Variants in NHLRC2 observed in about 807,000 individuals in gnomAD.
NHLRC2 encodes the protein NHL repeat containing 2, also known as NHL repeat-containing protein 2.
Under a neutral mutation model 68.1 loss-of-function variants are expected in NHLRC2, and 33 were observed. That is an observed-to-expected ratio of 0.48 (90% CI 0.37 to 0.65). The LOEUF (loss-of-function observed/expected upper bound fraction) is 0.65, where lower values mean the gene tolerates loss of function less well. Among genes scored for constraint, NHLRC2 ranks in the 30% least tolerant of loss-of-function variants. The probability of loss-of-function intolerance (pLI) is 0.00; values close to 1 mark genes in which losing one functional copy is unlikely to be tolerated. For missense variants in NHLRC2, 761 were observed against 853.8 expected, an observed-to-expected ratio of 0.89 and a Z score of 1.35; for synonymous variants, 311 against 309.6, an observed-to-expected ratio of 1.00 and a Z score of -0.05.
intron 1 of NHLRC2, 120 bp from the exon 2 acceptor site, chr10:113,858,408 A>G (rs1845781742): frequency 1.4e-5 from 9 of 639,902 alleles, no homozygotes; most frequent in Non-Finnish European, 2.2e-5. Flanking sequence ...ATATGGTGCT[A>G]CTCTCTCAAA....
chr10:113,874,241 C>T lies in NHLRC2; in HGVS notation c.332-2280C>T, dbSNP rs116507478. ...GCTAAATGCCTTACACAGATTATCT[C>T]TTTTAATCCACCTGACTTATAAGGC... On this transcript the variant is annotated intron_variant, in intron 2 of 10. Coordinates refer to ENST00000369301, the MANE Select transcript of NHLRC2 (RefSeq NM_198514.4). Among the ~76,000 whole-genome samples, 4 of 152,148 alleles carry T rather than the reference C, an allele frequency of 2.6e-5. No individual in the cohort carries two copies. In the South Asian group the frequency reaches 8.3e-4, roughly 32 times the overall value.
intron 2 of NHLRC2, among the ~76,000 whole-genome samples, chr10:113,870,058 A>G (rs1033886801): frequency 6.6e-6 from 1 of 152,172 alleles, no homozygotes; most frequent in Non-Finnish European, 1.5e-5. Flanking sequence ...TCTGGGAACT[A>G]GATGTGCTCA....
intron 2 of NHLRC2, among the ~76,000 whole-genome samples, chr10:113,868,855 A>T (rs972126584): frequency 2.0e-5 from 3 of 152,230 alleles, no homozygotes; most frequent in Non-Finnish European, 4.4e-5. Flanking sequence ...GTGAGAACAG[A>T]TGAGAACATT....
Position 113,854,874 on chromosome 10 carries a change from TGGC to T in NHLRC2, c.7_9del (p.Ala3?). On this transcript the variant is annotated start_lost and inframe_deletion, in exon 1 of 11. Coordinates refer to ENST00000369301, the MANE Select transcript of NHLRC2 (RefSeq NM_198514.4). ...CCGCATCGGGAGCCCGGCGGAAACA[TGGC>T]GGCGCCCGGAGGCCGGGGCCGCAGC... 6.5e-7 allele frequency: 1 copy of T among 1,540,264 alleles called. No individual in the cohort carries two copies. The highest frequency in any genetic ancestry group is 2.5e-5 in the East Asian group (1 of 40,740).
chr10:113,879,076 T>G (rs1049067118), intron 3 of NHLRC2, among the ~76,000 whole-genome samples: 3 of 152,176 alleles, frequency 2.0e-5, no homozygotes, highest in Non-Finnish European at 4.4e-5. Context: ...CGCAGGACTT[T>G]CTGACAAAGT....
Position 113,904,933 on chromosome 10 carries a change from T to A in NHLRC2, c.1821T>A (p.Thr607=). The A allele has an allele frequency of 2.5e-6, 4 of 1,603,986 alleles. No homozygotes were observed. Among genetic ancestry groups the A allele is most frequent in the Non-Finnish European group, 3.4e-6 (4 of 1,176,228 alleles). The change falls in exon 10 of 11, where the codon ACT becomes ACA. Residue 607 remains threonine, a synonymous_variant. Coordinates refer to ENST00000369301, the MANE Select transcript of NHLRC2 (RefSeq NM_198514.4). ...CAAGCATTAGGCTTTCCCCCGTGAC[T>A]GCGTGTGCTGGCCAGACTCTTCAGT... ...SAPSIRLSPV[T]ACAGQTLQFK...
intron 5 of NHLRC2, among the ~76,000 whole-genome samples, chr10:113,893,776 A>G (rs182818550): frequency 9.2e-5 from 14 of 152,310 alleles, no homozygotes; most frequent in Admixed American, 8.5e-4. Flanking sequence ...CTAGATAACA[A>G]AGTTAAATTT....
At chr10:113,899,461 C>T (rs1430430977) in intron 6 of NHLRC2, among the ~76,000 whole-genome samples, 1 of 152,140 alleles carries the variant, frequency 6.6e-6, no homozygotes, top group African/African-American at 2.4e-5. Flanking sequence ...TGTTTTAAGA[C>T]ATTTAATCGT....
chr10:113,908,775 T>C lies in NHLRC2; in HGVS notation c.*239T>C, dbSNP rs1012979567. 8 of 520,858 alleles carry C rather than the reference T, an allele frequency of 1.5e-5. No individual in the cohort carries two copies. Among genetic ancestry groups the C allele is most frequent in the African/African-American group, 1.1e-4 (6 of 52,528 alleles). The allele number at this position is 520,858 out of a possible 1,614,324, so 32.3% of individuals were successfully genotyped here. Reference sequence around the variant, plus strand: ...ATTGATCATCATTGGTACCATGATATTGTAATCTATGCTGCTATTTGGCAC... The same window carrying C: ...ATTGATCATCATTGGTACCATGATACTGTAATCTATGCTGCTATTTGGCAC... On this transcript the variant is annotated 3_prime_UTR_variant, in exon 11 of 11. Coordinates refer to ENST00000369301, the MANE Select transcript of NHLRC2 (RefSeq NM_198514.4).
intron 5 of NHLRC2, among the ~76,000 whole-genome samples, chr10:113,895,505 T>C (rs1290864864): frequency 6.6e-6 from 1 of 152,112 alleles, no homozygotes; most frequent in Non-Finnish European, 1.5e-5. Context: ...GGGAAGAAGC[T>C]TGAGCAGAGA....
At chr10:113,860,163 G>T (rs563574709) in intron 2 of NHLRC2, among the ~76,000 whole-genome samples, 1 of 152,234 alleles carries the variant, frequency 6.6e-6, no homozygotes, top group South Asian at 2.1e-4. Flanking sequence ...GTTTGTTTTT[G>T]ATTTGTTTTT....
chr10:113,898,332 C>A, intron 6 of NHLRC2, 123 bp downstream of exon 6: 1 of 560,530 alleles, frequency 1.8e-6, no homozygotes, highest in Non-Finnish European at 3.3e-6. Flanking sequence ...CCATAGCACA[C>A]AACGCAGATT....
At chr10:113,893,370 G>A (rs1202591906) in intron 5 of NHLRC2, among the ~76,000 whole-genome samples, 3 of 152,160 alleles carry the variant, frequency 2.0e-5, no homozygotes, top group Non-Finnish European at 4.4e-5. Flanking sequence ...TAATGAAGTC[G>A]TTTTCCAAGT....
At chr10:113,889,283 G>A (rs1227496732) in intron 5 of NHLRC2, among the ~76,000 whole-genome samples, 8 of 151,878 alleles carry the variant, frequency 5.3e-5, no homozygotes, top group Admixed American at 5.3e-4. Context: ...ACCTTTAATG[G>A]TTGAAATCCA....
Position 113,893,639 on chromosome 10 carries a change from G to A in NHLRC2, c.1040-4471G>A, listed in dbSNP as rs76813631. ...GCTTCTCTACTTTTTCTCTTTCCTCGGGCATCTGAAGGAAATAAGTACACA... is the reference window on the plus strand; with the variant it reads ...GCTTCTCTACTTTTTCTCTTTCCTCAGGCATCTGAAGGAAATAAGTACACA... On this transcript the variant is annotated intron_variant, in intron 5 of 10. Coordinates refer to ENST00000369301, the MANE Select transcript of NHLRC2 (RefSeq NM_198514.4). 7.9e-3 allele frequency among the ~76,000 whole-genome samples: 1,201 copies of A among 152,016 alleles called. 5 individuals are homozygous for A. Among genetic ancestry groups the A allele is most frequent in the Non-Finnish European group, 0.012 (797 of 67,994 alleles).
At chr10:113,856,572 G>C (rs1164857803) in intron 1 of NHLRC2, among the ~76,000 whole-genome samples, 1 of 152,134 alleles carries the variant, frequency 6.6e-6, no homozygotes, top group Non-Finnish European at 1.5e-5. Context: ...TAAGTACACT[G>C]TTATAAACAA....
chr10:113,908,551 A>G lies in NHLRC2; in HGVS notation c.*15A>G. The G allele has an allele frequency of 1.9e-6, 3 of 1,613,394 alleles. No homozygotes were observed. Among genetic ancestry groups the G allele is most frequent in the Non-Finnish European group, 2.5e-6 (3 of 1,179,578 alleles). On this transcript the variant is annotated 3_prime_UTR_variant, in exon 11 of 11. Coordinates refer to ENST00000369301, the MANE Select transcript of NHLRC2 (RefSeq NM_198514.4). Reference sequence around the variant, plus strand: ...ATGTATTTTAGCCAGCCAGCTAGCTAGCAACCCATTGCCACCACCTACTGT... The same window carrying G: ...ATGTATTTTAGCCAGCCAGCTAGCTGGCAACCCATTGCCACCACCTACTGT...
At chr10:113,864,912 A>C (rs1845850639) in intron 2 of NHLRC2, among the ~76,000 whole-genome samples, 1 of 151,700 alleles carries the variant, frequency 6.6e-6, no homozygotes, top group Admixed American at 6.6e-5. Flanking sequence ...GGGAGTATTT[A>C]GACCATGGAA....
At chr10:113,870,370 T>G (rs1382119352) in intron 2 of NHLRC2, among the ~76,000 whole-genome samples, 1 of 152,222 alleles carries the variant, frequency 6.6e-6, no homozygotes, top group Non-Finnish European at 1.5e-5. Flanking sequence ...AATTTCCTTT[T>G]TTTTAAAACA....
Sources: allele counts gnomAD v4.1 joint callset (sites outside exome capture counted in the v4.1 genomes callset), GRCh38; gene constraint gnomAD v4.1.1; transcripts MANE v1.5; gene names NCBI Gene and HGNC (gene_info 2026-07-23, HGNC 2026-07-21).